PTPRT: variants seen among roughly 807,000 people sequenced by gnomAD.
The protein encoded by PTPRT is receptor-type tyrosine-protein phosphatase T.
Under a neutral mutation model 176.8 loss-of-function variants are expected in PTPRT, and 56 were observed. That is an observed-to-expected ratio of 0.32 (90% CI 0.26 to 0.40). The LOEUF (loss-of-function observed/expected upper bound fraction) is 0.40. Ranked by LOEUF, PTPRT falls within the 10% of genes least tolerant of loss-of-function variation. The pLI is 1.00. For missense variants in PTPRT, 1,540 were observed against 1,908.2 expected, an observed-to-expected ratio of 0.81 and a Z score of 3.60; for synonymous variants, 783 against 739.0, an observed-to-expected ratio of 1.06 and a Z score of -0.96.
At chr20:42,100,891 C>T (rs931302103) in intron 26 of PTPRT, among the ~76,000 whole-genome samples, 2 of 152,188 alleles carry the variant, frequency 1.3e-5, no homozygotes, top group South Asian at 2.1e-4. Flanking sequence ...AGGATATGGG[C>T]ACTCTGTGGA....
chr20:42,094,159 T>C (rs1335084282), intron 27 of PTPRT, among the ~76,000 whole-genome samples: 2 of 152,204 alleles, frequency 1.3e-5, no homozygotes, highest in Non-Finnish European at 2.9e-5. Context: ...CCTCTGTGCC[T>C]GAGCTCTGGT....
At chr20:42,888,192 C>T (rs1224187736) in intron 1 of PTPRT, among the ~76,000 whole-genome samples, 1 of 152,192 alleles carries the variant, frequency 6.6e-6, no homozygotes, top group Admixed American at 6.5e-5. Flanking sequence ...CCCAGAGACT[C>T]GCCTGACCAG....
intron 22 of PTPRT, 51 bp downstream of exon 22, chr20:42,115,148 C>T (rs780677695): frequency 1.5e-6 from 2 of 1,354,808 alleles, no homozygotes; most frequent in Admixed American, 1.7e-5. Flanking sequence ...GATGAACAAA[C>T]AAGCTGGCTC....
chr20:42,570,409 T>G (rs2073134077), intron 7 of PTPRT, among the ~76,000 whole-genome samples: 1 of 152,156 alleles, frequency 6.6e-6, no homozygotes, highest in Admixed American at 6.5e-5. Flanking sequence ...ATCTCTCAGG[T>G]AGTGAAAACC....
At chr20:42,165,876 A>G (rs1193561988) in intron 16 of PTPRT, among the ~76,000 whole-genome samples, 1 of 152,218 alleles carries the variant, frequency 6.6e-6, no homozygotes, top group Non-Finnish European at 1.5e-5. Context: ...CCATGTATGT[A>G]ATTTAAGATG....
At chr20:43,142,302 G>C (rs1048161665) in intron 1 of PTPRT, among the ~76,000 whole-genome samples, 1 of 152,258 alleles carries the variant, frequency 6.6e-6, no homozygotes, top group Non-Finnish European at 1.5e-5. Flanking sequence ...GCACACAGAA[G>C]TGGGAGACAG....
intron 1 of PTPRT, among the ~76,000 whole-genome samples, chr20:43,084,144 A>G (rs1281319219): frequency 6.6e-6 from 1 of 152,274 alleles, no homozygotes; most frequent in East Asian, 1.9e-4. Flanking sequence ...ACTGTTGAGT[A>G]ATATGGTAAA....
chr20:43,094,183 G>A (rs2012012825), intron 1 of PTPRT, among the ~76,000 whole-genome samples: 1 of 150,122 alleles, frequency 6.7e-6, no homozygotes, highest in Non-Finnish European at 1.5e-5. Context: ...CACCTCCCGG[G>A]TTCACGCCAT....
At chr20:42,040,974 G>T in the PTPRT span, among the ~76,000 whole-genome samples, 1,690 of 152,290 alleles carry the variant, frequency 0.011, 23 homozygotes, top group Non-Finnish European at 0.02. Flanking sequence ...TGACACTAGA[G>T]GGTTTTTGGC....
chr20:42,740,977 G>A (rs2076600599), intron 6 of PTPRT, among the ~76,000 whole-genome samples: 1 of 152,216 alleles, frequency 6.6e-6, no homozygotes, highest in South Asian at 2.1e-4. Context: ...GAACTTGAGA[G>A]AGAGAGTGTG....
intron 1 of PTPRT, among the ~76,000 whole-genome samples, chr20:42,929,484 T>C (rs7268966): frequency 0.015 from 2,245 of 152,360 alleles, 53 homozygotes; most frequent in African/African-American, 0.052. Flanking sequence ...TCATCTCTGT[T>C]CTTATGGATG....
intron 27 of PTPRT, among the ~76,000 whole-genome samples, chr20:42,092,686 T>G (rs769235001): frequency 6.6e-6 from 1 of 152,220 alleles, no homozygotes; most frequent in Non-Finnish European, 1.5e-5. Context: ...GCTGGTGTGT[T>G]AGGCTGTGTT....
At chr20:42,488,797 T>G (rs1343211565) in intron 7 of PTPRT, among the ~76,000 whole-genome samples, 1 of 152,044 alleles carries the variant, frequency 6.6e-6, no homozygotes, top group African/African-American at 2.4e-5. Flanking sequence ...AAGCCCCATC[T>G]CTACTAAAAA....
rs2146290401 is a variant in PTPRT at position 42,110,327 on chromosome 20, A to G, written c.3254+6T>C. The G allele has an allele frequency of 6.2e-7, 1 of 1,600,782 alleles. No individual in the cohort carries two copies. The highest frequency in any genetic ancestry group is 2.2e-5 in the East Asian group (1 of 44,700). ...GGCCTCCCAAGGTGAAGGACCTTTG[A>G]CTTACCTGCAGTGGACCACTATGGG... On this transcript the variant is annotated splice_donor_region_variant and intron_variant, in intron 23 of 30. Coordinates refer to ENST00000373187, the MANE Select transcript of PTPRT (RefSeq NM_007050.6).
chr20:42,415,026 C>T (rs888370954), intron 9 of PTPRT, among the ~76,000 whole-genome samples: 20 of 152,138 alleles, frequency 1.3e-4, no homozygotes, highest in Admixed American at 8.5e-4. Flanking sequence ...AACAGCCCAA[C>T]GGAAAATACT....
chr20:42,250,470 A>G lies in PTPRT; in HGVS notation c.2177-1648T>C, dbSNP rs529385649. On this transcript the variant is annotated intron_variant, in intron 13 of 30. Transcript: ENST00000373187. ...GATTCCCAAAATGCACTGATGTTTA[A>G]GCCCTCCAGCACATTGATGCACCCC... Among the ~76,000 whole-genome samples the G allele has an allele frequency of 2.0e-5, 3 of 152,290 alleles. No homozygotes were observed. The East Asian group carries it at 5.8e-4, about 29-fold the overall frequency.
chr20:42,578,244 C>T (rs930965522), intron 7 of PTPRT, among the ~76,000 whole-genome samples: 1 of 152,072 alleles, frequency 6.6e-6, no homozygotes, highest in Non-Finnish European at 1.5e-5. Flanking sequence ...GGGATTCACT[C>T]CTTTTGCTTC....
intron 9 of PTPRT, among the ~76,000 whole-genome samples, chr20:42,357,346 C>T (rs1241329709): frequency 6.6e-6 from 1 of 152,136 alleles, no homozygotes; most frequent in Non-Finnish European, 1.5e-5. Context: ...GTTTGCAGAC[C>T]TCTGTACTAG....
chr20:42,331,854 A>T (rs760698453), intron 11 of PTPRT, among the ~76,000 whole-genome samples: 4 of 152,166 alleles, frequency 2.6e-5, no homozygotes, highest in Admixed American at 6.5e-5. Context: ...CCATTCAATG[A>T]TTCTGTAACA....
Sources: gnomAD v4.1 joint callset for allele counts (sites outside exome capture counted in the v4.1 genomes callset) on GRCh38, gnomAD v4.1.1 for gene constraint, MANE v1.5 for transcripts, NCBI Gene and HGNC (gene_info 2026-07-23, HGNC 2026-07-21) for gene names.